HMCN1: variants seen among roughly 807,000 people sequenced by gnomAD.
HMCN1 encodes hemicentin 1.
A neutral mutation model predicts 625.9 loss-of-function variants in HMCN1; 321 were observed. The observed-to-expected ratio is 0.51, with a 90% CI of 0.47 to 0.56. The LOEUF is 0.56. HMCN1 is among the 20% of genes least tolerant of loss of function. The pLI is 0.00. For synonymous variants in HMCN1, 2,425 were observed against 2,417.6 expected (o/e 1.00, Z -0.09); for missense variants, 6,588 against 6,887.3 (o/e 0.96, Z 1.54).
chr1:186,170,129 C>T (rs1159152708), intron 100 of HMCN1, among the ~76,000 whole-genome samples: 20 of 152,092 alleles, frequency 1.3e-4, no homozygotes, highest in African/African-American at 2.7e-4. Context: ...TACCATCTTA[C>T]GCAAGTTAGA....
intron 53 of HMCN1, 91 bp downstream of exon 53, chr1:186,074,982 T>C: frequency 9.3e-7 from 1 of 1,079,560 alleles, no homozygotes. Flanking sequence ...ACAGTGTTTT[T>C]TTCTGTTGAC....
Position 186,027,156 on chromosome 1 carries a change from C to A in HMCN1, c.5749+4003C>A, listed in dbSNP as rs371619836. 8.9e-4 allele frequency among the ~76,000 whole-genome samples: 136 copies of A among 152,234 alleles called. 1 individual carries two copies. Among genetic ancestry groups the A allele is most frequent in the East Asian group, 1.9e-3 (10 of 5,176 alleles). On this transcript the variant is annotated intron_variant, in intron 36 of 106. Coordinates refer to ENST00000271588, the MANE Select transcript of HMCN1 (RefSeq NM_031935.3). ...TAGTAAGGGTGCCTGGTCTCCTGGA[C>A]TAGGAGACCACGTCATGATCAAGAA...
At chr1:185,948,868 C>T (rs376533734) in intron 11 of HMCN1, among the ~76,000 whole-genome samples, 4,183 of 151,384 alleles carry the variant, frequency 0.028, 190 homozygotes, top group African/African-American at 0.088. Flanking sequence ...TTAGGGGCGG[C>T]GTGGGAACCT....
chr1:186,173,533 C>G (rs969012088), intron 102 of HMCN1, among the ~76,000 whole-genome samples: 1 of 149,346 alleles, frequency 6.7e-6, no homozygotes, highest in Admixed American at 6.8e-5. Flanking sequence ...CCCAGCTACT[C>G]TGGGGGCTGA....
At chr1:186,124,504 T>C (rs1661551561) in intron 81 of HMCN1, among the ~76,000 whole-genome samples, 1 of 152,028 alleles carries the variant, frequency 6.6e-6, no homozygotes, top group Admixed American at 6.6e-5. Context: ...ATAAAGAAGA[T>C]AATGAAAATA....
rs1477983028 is a variant in HMCN1 at position 186,003,827 on chromosome 1, T to C, written c.4458T>C (p.His1486=). The part of the protein sequence containing the change: ...QVKGTPFPDI[H]WFKDGKPLFL... ...AAGGCACTCCCTTTCCTGATATTCA[T>C]TGGTTCAAAGATGGCAAGTGAGTAT... is the stretch of plus-strand genomic sequence containing the variant. The change falls in exon 29 of 107, where the codon CAT becomes CAC. Residue 1486 remains histidine (H), a synonymous_variant. Coordinates refer to ENST00000271588, the MANE Select transcript of HMCN1 (RefSeq NM_031935.3). 1.2e-6 allele frequency: 2 copies of C among 1,613,266 alleles called. No individual in the cohort carries two copies. Among genetic ancestry groups the C allele is most frequent in the South Asian group, 1.1e-5 (1 of 91,072 alleles).
chr1:185,778,642 A>C (rs1656803886), intron 1 of HMCN1, among the ~76,000 whole-genome samples: 1 of 151,964 alleles, frequency 6.6e-6, no homozygotes, highest in Non-Finnish European at 1.5e-5. Context: ...GATGGTTTCC[A>C]GTTTCATCCA....
rs557681833 is a variant in HMCN1 at position 185,938,969 on chromosome 1, A to AAAGCCATCAAAAGG, written c.1828+5147_1828+5160dup. Among the ~76,000 whole-genome samples the AAAGCCATCAAAAGG allele has an allele frequency of 1.5e-3, 222 of 152,350 alleles. 1 individual carries two copies. Among genetic ancestry groups the AAAGCCATCAAAAGG allele is most frequent in the African/African-American group, 5.3e-3 (221 of 41,598 alleles). On this transcript the variant is annotated intron_variant, in intron 11 of 106. Coordinates refer to ENST00000271588, the MANE Select transcript of HMCN1 (RefSeq NM_031935.3). The stretch of plus-strand genomic sequence containing the variant: ...TCTAGTTAAGTTGTCTTTCCTATGA[A>AAAGCCATCAAAAGG]AAGCCATCAAAAGGACATTCTCAAA...
At chr1:185,867,742 G>A (rs896931345) in intron 4 of HMCN1, among the ~76,000 whole-genome samples, 10 of 151,988 alleles carry the variant, frequency 6.6e-5, no homozygotes, top group South Asian at 4.1e-4. Context: ...TTGCTCAATG[G>A]GACCTGTTTG....
At position 186,088,734 on chromosome 1, in the gene HMCN1, T is replaced by C; in HGVS notation, c.9706T>C (p.Tyr3236His). ...ASNMEGKAQKYYFLSIQVPPS... is the reference protein window; with the variant it reads ...ASNMEGKAQKHYFLSIQVPPS... ...AAATATGGAGGGAAAAGCCCAGAAA[T>C]ATTACTTTCTTTCAATTCAAGGTAT... Residue 3236 changes from tyrosine to histidine, a missense_variant, in exon 63 of 107, where the codon TAT becomes CAT. Around this residue, in one of 3 missense-constraint regions of HMCN1, gnomAD observed 4,628 missense variants for 4,853.1 expected, o/e 0.95. Coordinates refer to ENST00000271588, the MANE Select transcript of HMCN1 (RefSeq NM_031935.3). The C allele has an allele frequency of 6.2e-7, 1 of 1,609,372 alleles. No individual in the cohort carries two copies.
At chr1:185,983,186 A>G (rs1368148561) in intron 18 of HMCN1, among the ~76,000 whole-genome samples, 1 of 152,094 alleles carries the variant, frequency 6.6e-6, no homozygotes, top group Non-Finnish European at 1.5e-5. Flanking sequence ...TTTTTTTATG[A>G]AAGGATGTGA....
At chr1:186,131,453 C>G (rs969444816) in intron 85 of HMCN1, among the ~76,000 whole-genome samples, 1 of 152,078 alleles carries the variant, frequency 6.6e-6, no homozygotes, top group Non-Finnish European at 1.5e-5. Flanking sequence ...ACTTCTAATA[C>G]CAATGTTAAT....
At chr1:185,897,106 T>C (rs1322354) in intron 4 of HMCN1, among the ~76,000 whole-genome samples, 10,813 of 152,232 alleles carry the variant, frequency 0.071, 1,347 homozygotes, top group African/African-American at 0.25. Context: ...TTTTCTGTCT[T>C]GGTTTAAATT....
chr1:186,065,429 G>A lies in HMCN1; in HGVS notation c.7705G>A (p.Val2569Ile). The A allele has an allele frequency of 6.3e-7, 1 of 1,593,276 alleles. No individual in the cohort carries two copies. ...CAGGAGCTTCAGTCTTAATGTATTT[G>A]GTAGGTGTGGGCTTTTCTTCATATC... is the stretch of plus-strand genomic sequence containing the variant. ...KSRSFSLNVF[V>I]SPTIAGVGSD... The change falls in exon 49 of 107, where the codon GTA (valine) becomes ATA (isoleucine). Residue 2569 changes from valine to isoleucine, a missense_variant and splice_region_variant. Val to Ile is a conservative substitution (Grantham distance 29, BLOSUM62 3). This residue lies in a region of HMCN1 where 4,628 missense variants were observed against 4,853.1 expected (regional missense o/e 0.95). Transcript: ENST00000271588.
chr1:186,016,986 G>A lies in HMCN1; in HGVS notation c.5215G>A (p.Asp1739Asn), dbSNP rs757952686. 6.2e-7 allele frequency: 1 copy of A among 1,605,086 alleles called. No individual in the cohort carries two copies. Among genetic ancestry groups the A allele is most frequent in the Non-Finnish European group, 8.5e-7 (1 of 1,172,276 alleles). The change falls in exon 33 of 107, where the codon GAT becomes AAT. Residue 1739 changes from aspartate to asparagine, a missense_variant. This residue lies in a region of HMCN1 where 4,628 missense variants were observed against 4,853.1 expected (regional missense o/e 0.95). Transcript: ENST00000271588. ...VLVPPAIEGG[D>N]ETSYFIVMVN... is the part of the protein sequence containing the mutation. The stretch of plus-strand genomic sequence containing the variant: ...AGTGCCACCAGCTATAGAAGGAGGA[G>A]ATGAAACATCTTACTTCATTGTGAT...
chr1:186,004,044 A>C (rs750851595), intron 29 of HMCN1, among the ~76,000 whole-genome samples, 200 bp downstream of exon 29: 1 of 152,164 alleles, frequency 6.6e-6, no homozygotes, highest in Non-Finnish European at 1.5e-5. Flanking sequence ...GCTCCCTATG[A>C]ATGTTGGGAA....
At chr1:185,808,450 T>C (rs1030788580) in intron 1 of HMCN1, among the ~76,000 whole-genome samples, 1 of 152,096 alleles carries the variant, frequency 6.6e-6, no homozygotes, top group Non-Finnish European at 1.5e-5. Flanking sequence ...GCCCGGAAAG[T>C]TGAGGCTGCA....
At chr1:186,164,240 CT>C (rs57317105) in intron 97 of HMCN1, among the ~76,000 whole-genome samples, 863 of 131,456 alleles carry the variant, frequency 6.6e-3, no homozygotes, top group Admixed American at 0.02. Context: ...TAACTTAAAT[CT>C]TTTTTTTTTT....
chr1:186,130,359 C>A, intron 84 of HMCN1, 148 bp from the exon 85 acceptor site: 3 of 887,624 alleles, frequency 3.4e-6, no homozygotes, highest in Non-Finnish European at 5.2e-6. Context: ...GGTGATTTAG[C>A]ATGAAGAGTT....
Sources: gnomAD v4.1 joint callset for allele counts (sites outside exome capture counted in the v4.1 genomes callset) on GRCh38, gnomAD v4.1.1 for gene constraint, gnomAD v4.1.1 regional missense constraint, MANE v1.5 for transcripts, NCBI Gene and HGNC (gene_info 2026-07-23, HGNC 2026-07-21) for gene names.